Variants in DYNLL2 observed in about 807,000 individuals in gnomAD.
The protein encoded by DYNLL2 is dynein light chain LC8-type 2, also known as dynein light chain 2, cytoplasmic.
In DYNLL2, 1 loss-of-function variant was observed where a neutral mutation model predicts 9.7. The observed-to-expected ratio is 0.10, with a 90% CI of 0.04 to 0.49. The LOEUF (loss-of-function observed/expected upper bound fraction) is 0.49. Among genes scored for constraint, DYNLL2 ranks in the 20% least tolerant of loss-of-function variants. The pLI, the probability that DYNLL2 is intolerant of heterozygous loss-of-function variation, is 0.95. For missense variants in DYNLL2, 37 were observed against 115.2 expected, an observed-to-expected ratio of 0.32 and a Z score of 3.11; for synonymous variants, 35 against 40.5, an observed-to-expected ratio of 0.86 and a Z score of 0.52.
rs572074764 is a variant in DYNLL2 at position 58,083,646 on chromosome 17, T to A, written c.-47T>A. Reference sequence around the variant, plus strand: ...CCTGTGCTCTGCCTCGGGCCATCGCTCCTCCCCAGGGCCCAGTGCGGACTC... The same window carrying A: ...CCTGTGCTCTGCCTCGGGCCATCGCACCTCCCCAGGGCCCAGTGCGGACTC... On this transcript the variant is annotated 5_prime_UTR_variant, in exon 1 of 3. Transcript: ENST00000579991. The A allele has an allele frequency of 6.5e-6, 1 of 152,952 alleles. No homozygotes were observed. The highest frequency in any genetic ancestry group is 6.6e-5 in the Admixed American group (1 of 15,264). The allele number at this position is 152,952 out of a possible 1,614,324, so 9.5% of individuals were successfully genotyped here.
rs1555582627 is a variant in DYNLL2, at chr17:58,083,458, A to AGAGG, written c.-234_-233insAGGG. On this transcript the variant is annotated 5_prime_UTR_variant, in exon 1 of 3. Coordinates refer to ENST00000579991, the MANE Select transcript of DYNLL2 (RefSeq NM_080677.3). ...GCGGAGCTGTGAGGCGCCAGTGCGG[A>AGAGG]GCGGGCGGGCGGGCGGGCGGCGTGA... 2 of 131,832 alleles carry AGAGG rather than the reference A, an allele frequency of 1.5e-5. No homozygotes were observed. The highest frequency in any genetic ancestry group is 3.3e-5 in the Non-Finnish European group (2 of 60,668). The allele number at this position is 131,832 out of a possible 1,614,324, so 8.2% of individuals were successfully genotyped here.
chr17:58,087,037 C>A, intron 1 of DYNLL2, 45 bp from the exon 2 acceptor site: 1 of 1,605,360 alleles, frequency 6.2e-7, no homozygotes, highest in Admixed American at 1.7e-5. Flanking sequence ...TGTTCACTGC[C>A]CAGAGCAAGG....
At position 58,083,428 on chromosome 17, in the gene DYNLL2, G is replaced by GCGGAGCGGAGCTGTGAGGCGC. The variant is rs2075741672; in HGVS notation, c.-263_-243dup. 1.4e-5 allele frequency: 2 copies of GCGGAGCGGAGCTGTGAGGCGC among 147,808 alleles called. No individual in the cohort carries two copies. The highest frequency in any genetic ancestry group is 4.9e-5 in the African/African-American group (2 of 40,476). The allele number at this position is 147,808 out of a possible 1,614,324, so 9.2% of individuals were successfully genotyped here. ...CGCGTCGGCCGCGCTCAGCGGCAGA[G>GCGGAGCGGAGCTGTGAGGCGC]CGGAGCGGAGCTGTGAGGCGCCAGT... On this transcript the variant is annotated 5_prime_UTR_variant, in exon 1 of 3. Coordinates refer to ENST00000579991, the MANE Select transcript of DYNLL2 (RefSeq NM_080677.3).
chr17:58,084,013 C>T (rs1442097304), intron 1 of DYNLL2, among the ~76,000 whole-genome samples: 4 of 151,900 alleles, frequency 2.6e-5, no homozygotes, highest in Non-Finnish European at 5.9e-5. Context: ...TGTCAGGGGC[C>T]GGGGAAGAGG....
Position 58,095,318 on chromosome 17 carries a change from A to G in DYNLL2, c.*6039A>G, listed in dbSNP as rs200789736. ...TGTTCCAATAAAACTTTTAAAAAGC[A>G]GGGGACAGATTGGGCCTGTGGACCA... On this transcript the variant is annotated 3_prime_UTR_variant, in exon 3 of 3. Transcript: ENST00000579991. The G allele has an allele frequency of 2.0e-5, 3 of 152,246 alleles. No homozygotes were observed. In the East Asian group the frequency reaches 5.8e-4, roughly 29 times the overall value. The allele number at this position is 152,246 out of a possible 1,614,324, so 9.4% of individuals were successfully genotyped here.
chr17:58,088,960 G>A (rs2075770357), intron 2 of DYNLL2, among the ~76,000 whole-genome samples, 182 bp from the exon 3 acceptor site: 1 of 151,986 alleles, frequency 6.6e-6, no homozygotes, highest in African/African-American at 2.4e-5. Context: ...GAGGGGAAGA[G>A]TGTCCTGGCC....
rs1026730345 is a variant in DYNLL2 at position 58,090,639 on chromosome 17, G to C, written c.*1360G>C. The C allele has an allele frequency of 1.3e-5, 2 of 152,564 alleles. No individual in the cohort carries two copies. 9.5% of individuals were successfully genotyped at this position (152,564 alleles called of 1,614,324 possible). On this transcript the variant is annotated 3_prime_UTR_variant, in exon 3 of 3. Coordinates refer to ENST00000579991, the MANE Select transcript of DYNLL2 (RefSeq NM_080677.3). ...CTTCTGGGAGCCTTGGAGGAGGTCA[G>C]TCTTGCAGTGGTGAAGCCAGGACAT... is the stretch of plus-strand genomic sequence containing the variant.
rs559240562 is a variant in DYNLL2, at chr17:58,087,168, G to A, written c.78G>A (p.Thr26=). ...AACAGGATGCCGTTGACTGCGCCAC[G>A]CAGGCCATGGAGAAGTACAATATAG... ...DMQQDAVDCA[T]QAMEKYNIEK... is the part of the protein sequence containing the mutation. Residue 26 remains threonine (T), a synonymous_variant, in exon 2 of 3, where the codon ACG becomes ACA. Coordinates refer to ENST00000579991, the MANE Select transcript of DYNLL2 (RefSeq NM_080677.3). The A allele has an allele frequency of 3.2e-5, 52 of 1,614,184 alleles. No homozygotes were observed. Among genetic ancestry groups the A allele is most frequent in the South Asian group, 2.7e-4 (25 of 91,074 alleles).
chr17:58,089,739 T>C lies in DYNLL2; in HGVS notation c.*460T>C, dbSNP rs562221344. 50 of 403,058 alleles carry C rather than the reference T, an allele frequency of 1.2e-4. No homozygotes were observed. The East Asian group carries it at 1.5e-3, about 12-fold the overall frequency. The allele number at this position is 403,058 out of a possible 1,614,324, so 25.0% of individuals were successfully genotyped here. A position where few individuals can be genotyped will look rare whatever the true frequency, so the allele number is the denominator to read the frequency against. On this transcript the variant is annotated 3_prime_UTR_variant, in exon 3 of 3. Coordinates refer to ENST00000579991, the MANE Select transcript of DYNLL2 (RefSeq NM_080677.3). ...CAGGGAGGCTGCAGGGGGACAGTGTTGGGATTGTCAAGGAAAAAGGGGTAG... is the reference window on the plus strand; with the variant it reads ...CAGGGAGGCTGCAGGGGGACAGTGTCGGGATTGTCAAGGAAAAAGGGGTAG...
In DYNLL2 at chr17:58,090,160, G is replaced by T. The variant is rs536363388; in HGVS notation, c.*881G>T. 2.7e-5 allele frequency: 10 copies of T among 371,334 alleles called. No homozygotes were observed. Among genetic ancestry groups the T allele is most frequent in the African/African-American group, 2.1e-4 (10 of 48,130 alleles). The allele number at this position is 371,334 out of a possible 1,614,324, so 23.0% of individuals were successfully genotyped here. A position where few individuals can be genotyped will look rare whatever the true frequency, so the allele number is the denominator to read the frequency against. On this transcript the variant is annotated 3_prime_UTR_variant, in exon 3 of 3. Coordinates refer to ENST00000579991, the MANE Select transcript of DYNLL2 (RefSeq NM_080677.3). ...GGCAAGGGAATTTCTGGTGACTGTA[G>T]TTCCTTAGTTAGGTCTTAGCAATCA...
At chr17:58,085,197 G>T (rs2075755238) in intron 1 of DYNLL2, among the ~76,000 whole-genome samples, 1 of 152,206 alleles carries the variant, frequency 6.6e-6, no homozygotes, top group Non-Finnish European at 1.5e-5. Context: ...TTCTGCCGAA[G>T]TGGAACCAGC....
intron 1 of DYNLL2, 54 bp from the exon 2 acceptor site, chr17:58,087,028 G>A: frequency 1.3e-6 from 2 of 1,595,786 alleles, no homozygotes; most frequent in Non-Finnish European, 1.7e-6. Flanking sequence ...AGCAGCTAAT[G>A]TTCACTGCCC....
chr17:58,084,077 C>G (rs943344390), intron 1 of DYNLL2, among the ~76,000 whole-genome samples: 2 of 152,016 alleles, frequency 1.3e-5, no homozygotes, highest in African/African-American at 2.4e-5. Flanking sequence ...CCGCCACCCT[C>G]TGGGGCGTCC....
Position 58,093,498 on chromosome 17 carries a change from A to G in DYNLL2, c.*4219A>G, listed in dbSNP as rs1223784022. ...TCAGAGAAGGTGAGTGGCAAAGCCCATGTAGCTGGTGGCATTACTAGAACT... is the reference window on the plus strand; with the variant it reads ...TCAGAGAAGGTGAGTGGCAAAGCCCGTGTAGCTGGTGGCATTACTAGAACT... On this transcript the variant is annotated 3_prime_UTR_variant, in exon 3 of 3. Coordinates refer to ENST00000579991, the MANE Select transcript of DYNLL2 (RefSeq NM_080677.3). 6.6e-6 allele frequency: 1 copy of G among 152,232 alleles called. No homozygotes were observed. Among genetic ancestry groups the G allele is most frequent in the African/African-American group, 2.4e-5 (1 of 41,458 alleles). The allele number at this position is 152,232 out of a possible 1,614,324, so 9.4% of individuals were successfully genotyped here.
intron 1 of DYNLL2, among the ~76,000 whole-genome samples, chr17:58,085,104 A>G (rs1351589717): frequency 6.6e-6 from 1 of 152,216 alleles, no homozygotes; most frequent in African/African-American, 2.4e-5. Context: ...TGGTGCTCAC[A>G]GACTCCAGTT....
At chr17:58,084,452 C>G (rs1030712952) in intron 1 of DYNLL2, among the ~76,000 whole-genome samples, 1 of 152,154 alleles carries the variant, frequency 6.6e-6, no homozygotes, top group African/African-American at 2.4e-5. Context: ...GGAGCCTTGG[C>G]TCGTGACTGA....
Position 58,089,370 on chromosome 17 carries a change from T to G in DYNLL2, c.*91T>G. The G allele has an allele frequency of 6.6e-7, 1 of 1,509,730 alleles. No homozygotes were observed. The highest frequency in any genetic ancestry group is 9.0e-7 in the Non-Finnish European group (1 of 1,109,330). The allele number at this position is 1,509,730 out of a possible 1,614,324, so 93.5% of individuals were successfully genotyped here. A position where few individuals can be genotyped will look rare whatever the true frequency, so the allele number is the denominator to read the frequency against. ...TTTTGCACTGGAGCCAGCATCAGGA[T>G]GTCCTCTCCAATGGCTGTGCTACTG... is the stretch of plus-strand genomic sequence containing the variant. On this transcript the variant is annotated 3_prime_UTR_variant, in exon 3 of 3. Coordinates refer to ENST00000579991, the MANE Select transcript of DYNLL2 (RefSeq NM_080677.3).
intron 1 of DYNLL2, 24 bp from the exon 2 acceptor site, chr17:58,087,058 C>T (rs765322298): frequency 2.5e-6 from 4 of 1,612,216 alleles, no homozygotes; most frequent in Non-Finnish European, 3.4e-6. Flanking sequence ...AGTTGTCAGC[C>T]TTACCTCTCT....
At chr17:58,087,551 A>C (rs571297919) in intron 2 of DYNLL2, among the ~76,000 whole-genome samples, 58 of 152,340 alleles carry the variant, frequency 3.8e-4, no homozygotes, top group African/African-American at 1.3e-3. Context: ...GTTCAGAACT[A>C]TTCAAAATTA....
Sources: gnomAD v4.1 joint callset for allele counts (sites outside exome capture counted in the v4.1 genomes callset) on GRCh38, gnomAD v4.1.1 for gene constraint, MANE v1.5 for transcripts, NCBI Gene and HGNC (gene_info 2026-07-23, HGNC 2026-07-21) for gene names.